Variants in P2RY12 observed in about 807,000 individuals in gnomAD.
P2RY12 encodes P2Y purinoceptor 12.
Under a neutral mutation model 4.5 loss-of-function variants are expected in P2RY12, and 3 were observed. The ratio of observed to expected loss-of-function variants is 0.67; its 90% CI spans 0.31 to 1.74. The LOEUF (loss-of-function observed/expected upper bound fraction) is 1.74. Ranked by LOEUF, P2RY12 falls within the 40% of genes most tolerant of loss-of-function variation. The probability of loss-of-function intolerance (pLI) is 0.09; values close to 1 mark genes in which losing one functional copy is unlikely to be tolerated. For missense variants in P2RY12, 356 were observed against 407.8 expected (o/e 0.87, Z 1.09); for synonymous variants, 148 against 154.1 (o/e 0.96, Z 0.29).
At chr3:151,343,338 C>A (rs1407990392) in intron 1 of P2RY12, among the ~76,000 whole-genome samples, 1 of 152,122 alleles carries the variant, frequency 6.6e-6, no homozygotes, top group Non-Finnish European at 1.5e-5. Context: ...TATTTCTAAA[C>A]CTCTAGAAGG....
intron 1 of P2RY12, among the ~76,000 whole-genome samples, chr3:151,363,504 T>A (rs1417236417): frequency 6.6e-6 from 1 of 152,208 alleles, no homozygotes; most frequent in Non-Finnish European, 1.5e-5. Context: ...TGCCAAGCAC[T>A]GTGCTGGGTT....
intron 1 of P2RY12, among the ~76,000 whole-genome samples, chr3:151,363,098 G>A (rs147993577): frequency 3.9e-5 from 6 of 152,154 alleles, no homozygotes; most frequent in Admixed American, 1.3e-4. Flanking sequence ...TGCGCTGGGC[G>A]TGGGGTGTGT....
intron 1 of P2RY12, chr3:151,367,844 GA>G: frequency 6.7e-7 from 1 of 1,490,492 alleles, no homozygotes; most frequent in African/African-American, 1.4e-5. Flanking sequence ...ACAACACAGG[GA>G]AAGGAGTATT....
intron 1 of P2RY12, among the ~76,000 whole-genome samples, chr3:151,366,419 T>G (rs1277271600): frequency 6.6e-6 from 1 of 152,190 alleles, no homozygotes; most frequent in African/African-American, 2.4e-5. Context: ...AAATAAAGGC[T>G]TTGTTGGGTT....
intron 1 of P2RY12, chr3:151,364,865 T>C: frequency 1.4e-6 from 1 of 726,576 alleles, no homozygotes; most frequent in Non-Finnish European, 2.4e-6. Flanking sequence ...ATAATGTGAA[T>C]CTTCTCTAGG....
At chr3:151,341,103 A>T (rs1219949585) in intron 1 of P2RY12, among the ~76,000 whole-genome samples, 1 of 152,162 alleles carries the variant, frequency 6.6e-6, no homozygotes, top group East Asian at 1.9e-4. Flanking sequence ...TGGTTAATTT[A>T]TCTGAAATAT....
At chr3:151,362,399 T>A (rs1754721299) in intron 1 of P2RY12, among the ~76,000 whole-genome samples, 1 of 152,052 alleles carries the variant, frequency 6.6e-6, no homozygotes, top group Non-Finnish European at 1.5e-5. Context: ...TCTTTACTGA[T>A]CAAACACTCT....
chr3:151,379,770 T>C (rs1233222426), intron 1 of P2RY12, among the ~76,000 whole-genome samples: 1 of 152,260 alleles, frequency 6.6e-6, no homozygotes, highest in Non-Finnish European at 1.5e-5. Context: ...ATCCTGTGTA[T>C]AAATTGATAT....
At chr3:151,362,636 A>G (rs1006871312) in intron 1 of P2RY12, among the ~76,000 whole-genome samples, 2 of 152,086 alleles carry the variant, frequency 1.3e-5, no homozygotes, top group African/African-American at 4.8e-5. Flanking sequence ...TGTATGCTTC[A>G]TGACAGCAGA....
intron 1 of P2RY12, chr3:151,360,541 G>A: frequency 6.2e-7 from 1 of 1,612,950 alleles, no homozygotes; most frequent in African/African-American, 1.3e-5. Context: ...ATGCATTTTA[G>A]CCTACCTCTA....
chr3:151,355,071 G>T lies in P2RY12; in HGVS notation c.-179-14311C>A, dbSNP rs532506798. The T allele has an allele frequency of 2.2e-6, 3 of 1,368,990 alleles. No homozygotes were observed. The East Asian group carries it at 6.9e-5, about 31-fold the overall frequency. The allele number at this position is 1,368,990 out of a possible 1,614,324, so 84.8% of individuals were successfully genotyped here. ...AAAAAAAGTATCCATTAAAAATGTC[G>T]AGAGCTTCTATTAAATGGAAAATAA... On this transcript the variant is annotated intron_variant, in intron 1 of 2. Coordinates refer to ENST00000302632, the MANE Select transcript of P2RY12 (RefSeq NM_022788.5).
chr3:151,364,888 T>A, intron 1 of P2RY12: 1 of 891,294 alleles, frequency 1.1e-6, no homozygotes, highest in Non-Finnish European at 1.8e-6. Context: ...TGCATTACAG[T>A]TCCTGCCATT....
At chr3:151,377,146 C>G in intron 1 of P2RY12, 2 of 1,613,582 alleles carry the variant, frequency 1.2e-6, no homozygotes, top group Non-Finnish European at 1.7e-6. Context: ...ATACAAGTAG[C>G]ACGAGACAGA....
intron 1 of P2RY12, chr3:151,383,832 G>C (rs761281265): frequency 6.2e-7 from 1 of 1,613,982 alleles, no homozygotes; most frequent in Non-Finnish European, 8.5e-7. Flanking sequence ...CTACAGACTG[G>C]GCCCTGCTAC....
chr3:151,377,171 T>C, intron 1 of P2RY12: 1 of 1,604,780 alleles, frequency 6.2e-7, no homozygotes, highest in Non-Finnish European at 8.5e-7. Flanking sequence ...AATAAAGACA[T>C]TCCTAAGGTA....
chr3:151,377,552 A>G (rs1284642258), intron 1 of P2RY12, among the ~76,000 whole-genome samples: 1 of 152,216 alleles, frequency 6.6e-6, no homozygotes, highest in Non-Finnish European at 1.5e-5. Context: ...ACCAGTAGGC[A>G]TATAAAGTCT....
At chr3:151,344,080 T>A (rs1431531349) in intron 1 of P2RY12, among the ~76,000 whole-genome samples, 1 of 152,080 alleles carries the variant, frequency 6.6e-6, no homozygotes, top group East Asian at 1.9e-4. Context: ...TCTTGGGCAT[T>A]GAAATATTTC....
At chr3:151,361,110 C>T (rs1049975863) in intron 1 of P2RY12, among the ~76,000 whole-genome samples, 4 of 152,040 alleles carry the variant, frequency 2.6e-5, no homozygotes, top group East Asian at 1.9e-4. Context: ...TTTTGCATTA[C>T]TTGGATTAGC....
At chr3:151,359,893 T>C (rs1338551741) in intron 1 of P2RY12, among the ~76,000 whole-genome samples, 1 of 152,094 alleles carries the variant, frequency 6.6e-6, no homozygotes, top group Non-Finnish European at 1.5e-5. Flanking sequence ...ACAGGAGTTA[T>C]ACAGAATATT....
Sources: gnomAD v4.1 joint callset for allele counts (sites outside exome capture counted in the v4.1 genomes callset) on GRCh38, gnomAD v4.1.1 for gene constraint, MANE v1.5 for transcripts, NCBI Gene and HGNC (gene_info 2026-07-23, HGNC 2026-07-21) for gene names.